The following AP1G2 variants were observed in gnomAD, a reference collection of about 807,000 sequenced individuals.
AP1G2 encodes the protein adaptor related protein complex 1 subunit gamma 2, also known as AP-1 complex subunit gamma-like 2.
AP1G2 carries 85 observed loss-of-function variants against 95.8 expected under a neutral mutation model. The ratio of observed to expected loss-of-function variants is 0.89; its 90% confidence interval spans 0.74 to 1.06. AP1G2 has a LOEUF of 1.06. Among genes scored for constraint, AP1G2 ranks in the 50% least tolerant of loss-of-function variants. The pLI, the probability that AP1G2 is intolerant of heterozygous loss-of-function variation, is 0.00. For missense variants in AP1G2, 967 were observed against 1,005.8 expected (o/e 0.96, Z 0.52); for synonymous variants, 378 against 400.0 (o/e 0.94, Z 0.66).
intron 14 of AP1G2, chr14:23,563,085 A>G: frequency 7.6e-7 from 1 of 1,311,554 alleles, no homozygotes; most frequent in Non-Finnish European, 9.7e-7. Flanking sequence ...ATTCAAGGTA[A>G]TAATAAAACC....
At position 23,565,642 on chromosome 14, in the gene AP1G2, T is replaced by C; in HGVS notation, c.705A>G (p.Glu235=). ...GGTCGCTGACTCCAGATATGCTGTG[T>C]TCTGTGGAGTATCCCATTGTCACCA... is the stretch of plus-strand genomic sequence containing the variant. The part of the protein sequence containing the change: ...RTLVTMGYST[E]HSISGVSDPF... The change falls in exon 7 of 22, where the codon GAA becomes GAG. Residue 235 remains glutamate (E), a synonymous_variant. Transcript: ENST00000397120. The C allele has an allele frequency of 6.2e-7, 1 of 1,614,154 alleles. No individual in the cohort carries two copies. The highest frequency in any genetic ancestry group is 1.1e-5 in the South Asian group (1 of 91,086).
In AP1G2 at chr14:23,561,310, A is replaced by C; in HGVS notation, c.1979T>G (p.Val660Gly). Residue 660 changes from valine (V) to glycine (G), a missense_variant, in exon 19 of 22, where the codon GTA (valine) becomes GGA (glycine). Transcript: ENST00000397120. ...ALVHLLDLPC[V>G]PPPPAPIPDL... Reference sequence around the variant, plus strand: ...CTTAGGCTTACCTGGGGGTGGAGGTACACAGGGAAGGTCAAGCAGGTGTAC... The same window carrying C: ...CTTAGGCTTACCTGGGGGTGGAGGTCCACAGGGAAGGTCAAGCAGGTGTAC... The C allele has an allele frequency of 1.3e-6, 2 of 1,544,214 alleles. No homozygotes were observed. Among genetic ancestry groups the C allele is most frequent in the Non-Finnish European group, 1.7e-6 (2 of 1,146,770 alleles).
rs1387279760 is a variant in AP1G2, at chr14:23,561,630, G to A, written c.1739C>T (p.Ala580Val). The change falls in exon 18 of 22, where the codon GCC becomes GTC. Residue 580 changes from alanine (A) to valine (V), a missense_variant. Coordinates refer to ENST00000397120, the MANE Select transcript of AP1G2 (RefSeq NM_003917.5). The part of the protein sequence containing the change: ...LFRKYDHMRA[A>V]ILEKMPLVER... Reference sequence around the variant, plus strand: ...CACAAGAGGCATTTTTTCCAGGATGGCAGCCCTGAGAGGATGGAATGCAAG... The same window carrying A: ...CACAAGAGGCATTTTTTCCAGGATGACAGCCCTGAGAGGATGGAATGCAAG... The A allele has an allele frequency of 6.2e-7, 1 of 1,613,682 alleles. No individual in the cohort carries two copies. Among genetic ancestry groups the A allele is most frequent in the Non-Finnish European group, 8.5e-7 (1 of 1,180,004 alleles).
chr14:23,563,665 TG>T (rs1886271611), intron 12 of AP1G2, 27 bp from the exon 13 acceptor site: 6 of 1,614,196 alleles, frequency 3.7e-6, no homozygotes, highest in Non-Finnish European at 5.1e-6. Context: ...TCATCAGTCC[TG>T]GTACTGACGC....
rs767727461 is a variant in AP1G2 at position 23,563,777 on chromosome 14, C to G, written c.1171G>C (p.Glu391Gln). Residue 391 changes from glutamate (E) to glutamine (Q), a missense_variant, in exon 12 of 22, where the codon GAG becomes CAG. By Grantham distance (29) the Glu-to-Gln change is conservative. Transcript: ENST00000397120. ...GCCCGTAGGTCAGGAGGGCAGGACT[C>G]CAGAAAGGCCTGCAGCTCTTGCATC... ...AMMQELQAFLESCPPDLRADC... is the reference protein window; with the variant it reads ...AMMQELQAFLQSCPPDLRADC... 3 of 1,614,074 alleles carry G rather than the reference C, an allele frequency of 1.9e-6. No individual in the cohort carries two copies. Among genetic ancestry groups the G allele is most frequent in the Non-Finnish European group, 2.5e-6 (3 of 1,180,034 alleles).
intron 7 of AP1G2, 145 bp from the exon 8 acceptor site, chr14:23,565,344 T>A: frequency 1.1e-6 from 1 of 881,102 alleles, no homozygotes; most frequent in Non-Finnish European, 1.8e-6. Context: ...CCCTTGGTCC[T>A]AGGAGGGGAA....
chr14:23,566,791 A>G, intron 2 of AP1G2, 105 bp from the exon 3 acceptor site: 3 of 1,462,760 alleles, frequency 2.1e-6, no homozygotes, highest in Non-Finnish European at 1.9e-6. Context: ...GTGGGGCATC[A>G]TATCTCATCA....
chr14:23,563,074 C>T (rs909618260), intron 14 of AP1G2: 13 of 1,291,592 alleles, frequency 1.0e-5, no homozygotes, highest in African/African-American at 1.5e-5. Flanking sequence ...ATTCATTCAG[C>T]ATTCAAGGTA....
rs761822044 is a variant in AP1G2 at position 23,564,069 on chromosome 14, C to T, written c.1068G>A (p.Arg356=). The T allele has an allele frequency of 1.6e-5, 26 of 1,614,062 alleles. No individual in the cohort carries two copies. The South Asian group carries it at 2.7e-4, about 17-fold the overall frequency. ...RHRPTVVECL[R]ETDASLSRRA... Reference sequence around the variant, plus strand: ...ACCGGCTGAGGGAGGCATCAGTTTCCCGTAGACATTCCACCACAGTGGGCC... The same window carrying T: ...ACCGGCTGAGGGAGGCATCAGTTTCTCGTAGACATTCCACCACAGTGGGCC... The change falls in exon 11 of 22, where the codon CGG becomes CGA. Residue 356 remains arginine (R), a synonymous_variant. Coordinates refer to ENST00000397120, the MANE Select transcript of AP1G2 (RefSeq NM_003917.5).
At position 23,566,289 on chromosome 14, in the gene AP1G2, C is replaced by T. The variant is rs748909761; in HGVS notation, c.460G>A (p.Val154Met). The T allele has an allele frequency of 3.1e-6, 5 of 1,613,882 alleles. No individual in the cohort carries two copies. Among genetic ancestry groups the T allele is most frequent in the Non-Finnish European group, 4.2e-6 (5 of 1,179,972 alleles). Residue 154 changes from valine (V) to methionine (M), a missense_variant, in exon 4 of 22, where the codon GTG (valine) becomes ATG (methionine). Physicochemically the swap from Val to Met is conservative, Grantham distance 21. Coordinates refer to ENST00000397120, the MANE Select transcript of AP1G2 (RefSeq NM_003917.5). ...EKLLLQPSPYVRKKAILTAVH... is the reference protein window; with the variant it reads ...EKLLLQPSPYMRKKAILTAVH... ...TCCCGCCATCTCACCTTCTTGCGCA[C>T]GTAGGGACTGGGCTGCAGGAGCAGT...
Position 23,561,399 on chromosome 14 carries a change from CAGG to C in AP1G2, c.1887_1889del (p.Leu630del), listed in dbSNP as rs1284516758. 1 of 1,606,176 alleles carries C rather than the reference CAGG, an allele frequency of 6.2e-7. No individual in the cohort carries two copies. The highest frequency in any genetic ancestry group is 8.5e-7 in the Non-Finnish European group (1 of 1,175,084). On this transcript the variant is annotated inframe_deletion, in exon 19 of 22. Transcript: ENST00000397120. ...GCTGGACATCCCCAGAAGCCCCATC[CAGG>C]AGATCTAGCAGATCCAGGAGCTGTG... is the stretch of plus-strand genomic sequence containing the variant.
rs1883830012 is a variant in AP1G2, at chr14:23,560,590, CA to C, written c.1994-173del. ...CTTACTGTCTAATGGGGGAGAGAAACAATAAAAAAAGGCCGGGCGTGAGCCA... is the reference window on the plus strand; with the variant it reads ...CTTACTGTCTAATGGGGGAGAGAAACATAAAAAAAGGCCGGGCGTGAGCCA... On this transcript the variant is annotated intron_variant, in intron 19 of 21. Transcript: ENST00000397120. The C allele has an allele frequency of 7.8e-6, 5 of 639,994 alleles. No homozygotes were observed. In the South Asian group the frequency reaches 1.4e-4, roughly 17 times the overall value. The allele number at this position is 639,994 out of a possible 1,614,324, so 39.6% of individuals were successfully genotyped here. A position where few individuals can be genotyped will look rare whatever the true frequency, so the allele number is the denominator to read the frequency against.
Position 23,565,696 on chromosome 14 carries a change from T to C in AP1G2, c.651A>G (p.Val217=). The change falls in exon 7 of 22, where the codon GTA becomes GTG. Residue 217 remains valine, a synonymous_variant. Coordinates refer to ENST00000397120, the MANE Select transcript of AP1G2 (RefSeq NM_003917.5). ...TCCGGAGGATGTGTACCAGCTGGGGTACCACCTGGAGGGAGGGCACAACTT... is the reference window on the plus strand; with the variant it reads ...TCCGGAGGATGTGTACCAGCTGGGGCACCACCTGGAGGGAGGGCACAACTT... ...PAALRHFRKV[V]PQLVHILRTL... 6.2e-7 allele frequency: 1 copy of C among 1,613,754 alleles called. No homozygotes were observed.
chr14:23,567,193 T>A lies in AP1G2; in HGVS notation c.122A>T (p.Asp41Val). The A allele has an allele frequency of 6.2e-7, 1 of 1,612,996 alleles. No homozygotes were observed. The highest frequency in any genetic ancestry group is 8.5e-7 in the Non-Finnish European group (1 of 1,179,394). The change falls in exon 2 of 22, where the codon GAC becomes GTC. Residue 41 changes from aspartate (D) to valine (V), a missense_variant. Asp to Val is a radical substitution (Grantham distance 152, BLOSUM62 -3). Transcript: ENST00000397120. The surrounding 1 kb of genome is among the most constrained non-coding windows in gnomAD (Gnocchi z 5.3). ...CCGGTGCCTGTGCACTGGGTCCCCG[T>A]CGCGGAAGGAGGCCCGGATGTGGGC... ...ECAHIRASFR[D>V]GDPVHRHRQL...
At position 23,559,813 on chromosome 14, in the gene AP1G2, T is replaced by C. The variant is rs573100612; in HGVS notation, c.2294A>G (p.His765Arg). 1.9e-5 allele frequency: 31 copies of C among 1,614,012 alleles called. No individual in the cohort carries two copies. In the Admixed American group the frequency reaches 3.7e-4, roughly 19 times the overall value. The part of the protein sequence containing the change: ...LRLKLRLTYD[H>R]FHQSVQEIFE... Reference sequence around the variant, plus strand: ...GATCTCCTGCACCGACTGGTGAAAGTGGTCGTAGGTGAGGCGCAGCTTTAG... The same window carrying C: ...GATCTCCTGCACCGACTGGTGAAAGCGGTCGTAGGTGAGGCGCAGCTTTAG... The change falls in exon 22 of 22, where the codon CAC (histidine) becomes CGC (arginine). Residue 765 changes from histidine (H) to arginine (R), a missense_variant. Physicochemically the swap from His to Arg is conservative, Grantham distance 29 (BLOSUM62 0). Transcript: ENST00000397120.
Position 23,563,462 on chromosome 14 carries a change from G to A in AP1G2, c.1328C>T (p.Thr443Ile), listed in dbSNP as rs376640065. The change falls in exon 14 of 22, where the codon ACC becomes ATC. Residue 443 changes from threonine (T) to isoleucine (I), a missense_variant. By Grantham distance (89) the Thr-to-Ile change is moderately conservative. Transcript: ENST00000397120. ...CTCCTGGGCCCCCCCAATCAGCTGG[G>A]TCAGGTTGGCCACTGCATCATCCCG... is the stretch of plus-strand genomic sequence containing the variant. ...HVRDDAVANL[T>I]QLIGGAQELH... 22 of 1,613,870 alleles carry A rather than the reference G, an allele frequency of 1.4e-5. No individual in the cohort carries two copies. The highest frequency in any genetic ancestry group is 8.0e-5 in the African/African-American group (6 of 74,944).
Position 23,567,674 on chromosome 14 carries a change from C to G in AP1G2, c.-6+65G>C, listed in dbSNP as rs1888731426. ...TGTTTCTTCCGCGAGCTTCCTCCCC[C>G]GATTTCCATCTCAGGCAGCGGCAGC... On this transcript the variant is annotated intron_variant, in intron 1 of 21. Coordinates refer to ENST00000397120, the MANE Select transcript of AP1G2 (RefSeq NM_003917.5). The surrounding 1 kb of genome is among the most constrained non-coding windows in gnomAD (Gnocchi z 5.3). 1.3e-5 allele frequency: 13 copies of G among 964,560 alleles called. No individual in the cohort carries two copies. The highest frequency in any genetic ancestry group is 1.5e-5 in the Non-Finnish European group (12 of 800,852). The allele number at this position is 964,560 out of a possible 1,614,324, so 59.8% of individuals were successfully genotyped here.
rs1201796147 is a variant in AP1G2, at chr14:23,567,687, A to AGGCAGC, written c.-6+46_-6+51dup. On this transcript the variant is annotated intron_variant, in intron 1 of 21. Coordinates refer to ENST00000397120, the MANE Select transcript of AP1G2 (RefSeq NM_003917.5). The surrounding 1 kb of genome is among the most constrained non-coding windows in gnomAD (Gnocchi z 5.3). ...AGCTTCCTCCCCCGATTTCCATCTC[A>AGGCAGC]GGCAGCGGCAGCGGCAGCGACAGCC... 91 of 909,684 alleles carry AGGCAGC rather than the reference A, an allele frequency of 1.0e-4. No homozygotes were observed. The highest frequency in any genetic ancestry group is 5.9e-4 in the African/African-American group (33 of 55,626). The allele number at this position is 909,684 out of a possible 1,614,324, so 56.4% of individuals were successfully genotyped here.
chr14:23,560,401 T>A lies in AP1G2; in HGVS notation c.2011A>T (p.Lys671Ter), dbSNP rs746087528. The A allele has an allele frequency of 1.2e-6, 2 of 1,611,164 alleles. No homozygotes were observed. The highest frequency in any genetic ancestry group is 1.3e-5 in the African/African-American group (1 of 74,844). Reference protein sequence around the residue: ...PPPPAPIPDLKVFEREGVQLN... With the variant: ...PPPPAPIPDL ...TGTACTCCCTCACGCTCAAACACTT[T>A]GAGATCTGGGATGGGAGCTGGAGTA... The change falls in exon 20 of 22, where the codon AAA becomes TAA. Residue 671 changes from lysine (K) to a stop codon, truncating the protein, a stop_gained. Coordinates refer to ENST00000397120, the MANE Select transcript of AP1G2 (RefSeq NM_003917.5). LOFTEE classifies it high-confidence loss of function.
Sources: allele counts gnomAD v4.1 joint callset, GRCh38; gene constraint gnomAD v4.1.1; non-coding constraint Gnocchi (gnomAD v3.1); transcripts MANE v1.5; gene names NCBI Gene and HGNC (gene_info 2026-07-23, HGNC 2026-07-21).